BTBD16: variants seen among roughly 807,000 people sequenced by gnomAD.
The protein encoded by BTBD16 is BTB domain containing 16.
A neutral mutation model predicts 67.4 loss-of-function variants in BTBD16; 66 were observed. The observed-to-expected ratio is 0.98, with a 90% CI of 0.80 to 1.20. The LOEUF is 1.20. BTBD16 is among the 50% of genes most tolerant of loss of function. BTBD16 has a pLI of 0.00. For missense variants in BTBD16, 634 were observed against 616.0 expected (o/e 1.03, Z -0.31); for synonymous variants, 242 against 236.4 (o/e 1.02, Z -0.22).
At chr10:122,334,043 T>C (rs1329201728) in intron 13 of BTBD16, among the ~76,000 whole-genome samples, 2 of 152,170 alleles carry the variant, frequency 1.3e-5, no homozygotes, top group Admixed American at 6.5e-5. Context: ...ATTCAAATTG[T>C]TACTAGTAAT....
intron 7 of BTBD16, chr10:122,294,050 T>C: frequency 1.2e-6 from 1 of 849,668 alleles, no homozygotes; most frequent in Non-Finnish European, 1.4e-6. Context: ...ATTCCACTGA[T>C]GAGCAAACAT....
intron 9 of BTBD16, among the ~76,000 whole-genome samples, chr10:122,302,530 C>G (rs541184959): frequency 6.6e-6 from 1 of 152,218 alleles, no homozygotes; most frequent in Non-Finnish European, 1.5e-5. Flanking sequence ...CCGCCTATAA[C>G]CCGAGAAGTC....
chr10:122,331,152 C>T, intron 11 of BTBD16, 24 bp from the exon 12 acceptor site: 1 of 1,603,904 alleles, frequency 6.2e-7, no homozygotes, highest in Non-Finnish European at 8.5e-7. Flanking sequence ...AACTAAAAAA[C>T]ATTCTCTTTG....
rs1476104044 is a variant in BTBD16, at chr10:122,319,003, A to T, written c.912-10477A>T. ...CTAAGGATGGTGAGCATTGTTTCAT[A>T]TGCTTATTTGTCCTTCATTTATCTT... On this transcript the variant is annotated intron_variant, in intron 10 of 15. Coordinates refer to ENST00000260723, the MANE Select transcript of BTBD16 (RefSeq NM_144587.5). Among the ~76,000 whole-genome samples, 4 of 152,172 alleles carry T rather than the reference A, an allele frequency of 2.6e-5. No homozygotes were observed. The East Asian group carries it at 7.7e-4, about 29-fold the overall frequency.
chr10:122,295,724 G>A (rs1278472910), intron 7 of BTBD16, among the ~76,000 whole-genome samples: 4 of 152,120 alleles, frequency 2.6e-5, no homozygotes, highest in Non-Finnish European at 5.9e-5. Flanking sequence ...AAATGCCCAG[G>A]GGATGACAGC....
intron 5 of BTBD16, among the ~76,000 whole-genome samples, chr10:122,287,060 C>G (rs2096365234): frequency 6.6e-6 from 1 of 152,200 alleles, no homozygotes; most frequent in African/African-American, 2.4e-5. Flanking sequence ...CAGTCACTCC[C>G]CCTCCCTGAG....
chr10:122,313,156 C>T (rs903303973), intron 10 of BTBD16, among the ~76,000 whole-genome samples: 1 of 151,790 alleles, frequency 6.6e-6, no homozygotes, highest in Non-Finnish European at 1.5e-5. Flanking sequence ...GGATTACAGG[C>T]GTGAGCCACT....
chr10:122,322,153 C>T (rs2096436557), intron 10 of BTBD16, among the ~76,000 whole-genome samples: 1 of 152,082 alleles, frequency 6.6e-6, no homozygotes, highest in Admixed American at 6.5e-5. Context: ...ACTTGACACA[C>T]CTGTTGATAT....
chr10:122,284,451 A>T (rs1322796150), intron 4 of BTBD16, among the ~76,000 whole-genome samples: 1 of 150,310 alleles, frequency 6.7e-6, no homozygotes, highest in Admixed American at 6.6e-5. Context: ...TCCATCTCAA[A>T]AAAAAAAAAA....
At chr10:122,323,197 A>C (rs2096438489) in intron 10 of BTBD16, among the ~76,000 whole-genome samples, 1 of 152,228 alleles carries the variant, frequency 6.6e-6, no homozygotes, top group African/African-American at 2.4e-5. Flanking sequence ...CCAGTTGTTT[A>C]GTGTTAAATG....
At chr10:122,284,017 G>A in intron 4 of BTBD16, 93 bp downstream of exon 4, 1 of 895,994 alleles carries the variant, frequency 1.1e-6, no homozygotes, top group Non-Finnish European at 1.8e-6. Flanking sequence ...CCATAAACCA[G>A]GGCGCTAGTG....
chr10:122,294,277 A>G, intron 7 of BTBD16: 1 of 929,816 alleles, frequency 1.1e-6, no homozygotes, highest in Non-Finnish European at 1.3e-6. Flanking sequence ...TCACTCTGAT[A>G]GCATCACAAC....
chr10:122,306,152 T>C (rs147718044), intron 9 of BTBD16, among the ~76,000 whole-genome samples: 3 of 152,222 alleles, frequency 2.0e-5, no homozygotes, highest in African/African-American at 7.2e-5. Flanking sequence ...ATAGAGAGAT[T>C]TGAAGATGCT....
rs966539606 is a variant in BTBD16 at position 122,336,648 on chromosome 10, A to G, written c.1418A>G (p.Lys473Arg). ...QEFRTNQIKQ[K>R]FGLTTSSCKS... ...TTCAGGACAAACCAGATCAAGCAGA[A>G]GTTTGGGTTGACCACGTCATCCTGC... Residue 473 changes from lysine (K) to arginine (R), a missense_variant, in exon 15 of 16, where the codon AAG becomes AGG. Physicochemically the swap from Lys to Arg is conservative, Grantham distance 26 (BLOSUM62 2). Transcript: ENST00000260723. 5 of 1,599,260 alleles carry G rather than the reference A, an allele frequency of 3.1e-6. No individual in the cohort carries two copies. The highest frequency in any genetic ancestry group is 3.4e-6 in the Non-Finnish European group (4 of 1,176,038).
chr10:122,298,837 A>G (rs1418062423), intron 8 of BTBD16, among the ~76,000 whole-genome samples, 167 bp from the exon 9 acceptor site: 2 of 152,200 alleles, frequency 1.3e-5, no homozygotes, highest in African/African-American at 4.8e-5. Flanking sequence ...TCGAGCATAG[A>G]AAACACTTAG....
rs367553311 is a variant in BTBD16 at position 122,299,013 on chromosome 10, G to T, written c.670G>T (p.Glu224Ter). ...CTTTTTTTTGTCTTAGTACAAGGAA[G>T]AGCAGCTCACCACCGGCTGCGAGAA... ...FYEAGCKYKE[E>*]QLTTGCEKWL... Residue 224 changes from glutamate (E) to a stop codon, truncating the protein, a stop_gained, in exon 9 of 16, where the codon GAG becomes TAG. Transcript: ENST00000260723. LOFTEE classifies it high-confidence loss of function. 11 of 1,613,810 alleles carry T rather than the reference G, an allele frequency of 6.8e-6. No individual in the cohort carries two copies. Among genetic ancestry groups the T allele is most frequent in the African/African-American group, 1.3e-5 (1 of 74,892 alleles).
At chr10:122,273,242 A>ATATATATATATATATATATATATATG (rs1166253104) in intron 1 of BTBD16, among the ~76,000 whole-genome samples, 15 of 149,190 alleles carry the variant, frequency 1.0e-4, no homozygotes, top group Non-Finnish European at 1.9e-4. Context: ...ATATATATAT[A>ATATATATATATATATATATATATATG]TATACACACA....
intron 9 of BTBD16, among the ~76,000 whole-genome samples, chr10:122,304,037 T>C (rs2096398923): frequency 6.6e-6 from 1 of 152,222 alleles, no homozygotes; most frequent in Non-Finnish European, 1.5e-5. Context: ...AAGGGCCTTC[T>C]GGGCTTGAGG....
intron 10 of BTBD16, among the ~76,000 whole-genome samples, chr10:122,312,867 C>T (rs1230081505): frequency 2.6e-5 from 4 of 152,012 alleles, no homozygotes; most frequent in Non-Finnish European, 5.9e-5. Flanking sequence ...GGCTTTCTCA[C>T]TTTCAGAATG....
Sources: allele counts gnomAD v4.1 joint callset (sites outside exome capture counted in the v4.1 genomes callset), GRCh38; gene constraint gnomAD v4.1.1; transcripts MANE v1.5; gene names NCBI Gene and HGNC (gene_info 2026-07-23, HGNC 2026-07-21).